Variants in EPB41L3 observed in about 807,000 individuals in gnomAD.
The protein encoded by EPB41L3 is band 4.1-like protein 3.
A neutral mutation model predicts 127.1 loss-of-function variants in EPB41L3; 57 were observed. That is an observed-to-expected ratio of 0.45 (90% CI 0.36 to 0.56). The LOEUF (loss-of-function observed/expected upper bound fraction) is 0.56. Ranked by LOEUF, EPB41L3 falls within the 20% of genes least tolerant of loss-of-function variation. The pLI is 0.00. For missense variants in EPB41L3, 1,273 were observed against 1,372.2 expected, an observed-to-expected ratio of 0.93 and a Z score of 1.14; for synonymous variants, 572 against 549.5, an observed-to-expected ratio of 1.04 and a Z score of -0.57.
At chr18:5,532,784 T>C (rs1021796246) in intron 1 of EPB41L3, among the ~76,000 whole-genome samples, 1 of 152,054 alleles carries the variant, frequency 6.6e-6, no homozygotes, top group South Asian at 2.1e-4. Context: ...ATAAGGCGCC[T>C]AGGGGATTGT....
intron 9 of EPB41L3, 104 bp downstream of exon 9, chr18:5,428,209 A>G: frequency 1.5e-6 from 2 of 1,348,888 alleles, no homozygotes; most frequent in South Asian, 1.3e-5. Context: ...GATGTCATTC[A>G]CTGTGTCCCA....
intron 22 of EPB41L3, 199 bp from the exon 23 acceptor site, chr18:5,393,677 G>A (rs2072771838): frequency 2.2e-6 from 1 of 447,498 alleles, no homozygotes; most frequent in Non-Finnish European, 3.9e-6. Flanking sequence ...GAAGCTCATG[G>A]AAGAAATCTG....
At chr18:5,455,092 A>T (rs1367834869) in intron 3 of EPB41L3, among the ~76,000 whole-genome samples, 1 of 152,222 alleles carries the variant, frequency 6.6e-6, no homozygotes, top group Non-Finnish European at 1.5e-5. Flanking sequence ...TTGTATTAAG[A>T]TAAAACACTG....
Position 5,461,892 on chromosome 18 carries a change from C to T in EPB41L3, c.381+16349G>A, listed in dbSNP as rs117510463. 8.6e-3 allele frequency among the ~76,000 whole-genome samples: 1,303 copies of T among 152,064 alleles called. 9 individuals are homozygous for T. The highest frequency in any genetic ancestry group is 0.024 in the South Asian group (116 of 4,818). On this transcript the variant is annotated intron_variant, in intron 3 of 22. Transcript: ENST00000341928. ...AAAAGCTTAAGGTGCATTGGCTGGT[C>T]GATAACAAGCCACAAAATGGAAGAG...
chr18:5,485,687 T>A (rs2089627218), intron 2 of EPB41L3, among the ~76,000 whole-genome samples: 1 of 152,058 alleles, frequency 6.6e-6, no homozygotes. Flanking sequence ...AGTGTTTAAA[T>A]TTGTCAATGG....
At chr18:5,623,674 G>A (rs2094890605) in intron 1 of EPB41L3, among the ~76,000 whole-genome samples, 1 of 150,710 alleles carries the variant, frequency 6.6e-6, no homozygotes, top group Non-Finnish European at 1.5e-5. Context: ...TTTTAAGACG[G>A]TCTTACTCTG....
At chr18:5,463,869 A>C (rs923692289) in intron 3 of EPB41L3, 4 of 152,238 alleles carry the variant, frequency 2.6e-5, no homozygotes, top group African/African-American at 9.7e-5. Flanking sequence ...GTAGGCTACT[A>C]TGTGTATCGG....
intron 3 of EPB41L3, among the ~76,000 whole-genome samples, chr18:5,570,613 T>A (rs1438638106): frequency 6.6e-6 from 1 of 152,126 alleles, no homozygotes; most frequent in Non-Finnish European, 1.5e-5. Context: ...TAATTTTATT[T>A]TTATTATACT....
intron 3 of EPB41L3, among the ~76,000 whole-genome samples, chr18:5,470,526 C>A (rs561318268): frequency 2.6e-5 from 4 of 152,230 alleles, no homozygotes; most frequent in African/African-American, 9.6e-5. Context: ...TAGTTCAGTG[C>A]TTATAATGCA....
In EPB41L3 at chr18:5,561,040, C is replaced by T. The variant is rs534996922; in HGVS notation, c.-306+51300G>A. Among the ~76,000 whole-genome samples the T allele has an allele frequency of 3.3e-4, 47 of 143,506 alleles. 5 individuals carry two copies. Among genetic ancestry groups the T allele is most frequent in the African/African-American group, 5.7e-4 (21 of 37,136 alleles). The allele number at this position is 143,506 out of a possible 152,430, so 94.1% of individuals were successfully genotyped here. On this transcript the variant is annotated intron_variant, in intron 3 of 21. Coordinates refer to the EPB41L3 transcript ENST00000545076. ...TCGCCCAGGCTGGAGTGCAGTGGCG[C>T]GATCGCGGCTCACTGCAAGCTCCGC...
chr18:5,527,005 T>C (rs1185291538), intron 1 of EPB41L3, among the ~76,000 whole-genome samples: 2 of 139,154 alleles, frequency 1.4e-5, no homozygotes, highest in African/African-American at 5.8e-5. Context: ...AGAATATTCA[T>C]TGGTTAAAAA....
chr18:5,473,468 A>C (rs2086549847), intron 3 of EPB41L3, among the ~76,000 whole-genome samples: 1 of 151,648 alleles, frequency 6.6e-6, no homozygotes, highest in Non-Finnish European at 1.5e-5. Flanking sequence ...ATGGACCGAA[A>C]TTTGAGATCA....
At chr18:5,522,524 T>C (rs968014628) in intron 1 of EPB41L3, among the ~76,000 whole-genome samples, 1 of 152,228 alleles carries the variant, frequency 6.6e-6, no homozygotes, top group African/African-American at 2.4e-5. Context: ...ATTTGTCATA[T>C]AAGGCATCCC....
intron 1 of EPB41L3, among the ~76,000 whole-genome samples, chr18:5,504,582 A>C (rs894591706): frequency 1.3e-5 from 2 of 152,158 alleles, no homozygotes; most frequent in Non-Finnish European, 2.9e-5. Flanking sequence ...CTTGAGAAAC[A>C]CTGGTTGGAA....
chr18:5,438,152 T>C lies in EPB41L3; in HGVS notation c.530-42A>G, dbSNP rs747614371. On this transcript the variant is annotated intron_variant, in intron 5 of 22. Transcript: ENST00000341928. ...AAATTAGAGTAAAACCTTGAGAAAT[T>C]CTTATGACTCTAATCGATGGCCAGA... The C allele has an allele frequency of 1.8e-5, 29 of 1,580,148 alleles. No homozygotes were observed. The African/African-American group carries it at 3.9e-4, about 21-fold the overall frequency.
chr18:5,453,315 C>T (rs2082551728), intron 3 of EPB41L3, among the ~76,000 whole-genome samples: 1 of 152,084 alleles, frequency 6.6e-6, no homozygotes, highest in African/African-American at 2.4e-5. Context: ...TGAAGCTGTA[C>T]AATCATGAAG....
At chr18:5,464,894 T>C (rs1020426312) in intron 3 of EPB41L3, among the ~76,000 whole-genome samples, 1 of 152,204 alleles carries the variant, frequency 6.6e-6, no homozygotes, top group Non-Finnish European at 1.5e-5. Flanking sequence ...CTTTCTTTAA[T>C]AGACTTTCCC....
At chr18:5,541,637 T>C (rs2093733200) in intron 1 of EPB41L3, among the ~76,000 whole-genome samples, 1 of 151,452 alleles carries the variant, frequency 6.6e-6, no homozygotes, top group African/African-American at 2.4e-5. Flanking sequence ...TCCGATCAAG[T>C]TAAAAAAAAT....
chr18:5,502,559 T>G (rs79386023), intron 1 of EPB41L3, among the ~76,000 whole-genome samples: 3,164 of 152,300 alleles, frequency 0.021, 105 homozygotes, highest in African/African-American at 0.071. Flanking sequence ...GAAGCCACAC[T>G]GATGCCTTAT....
Sources: gnomAD v4.1 joint callset for allele counts (sites outside exome capture counted in the v4.1 genomes callset) on GRCh38, gnomAD v4.1.1 for gene constraint, MANE v1.5 for transcripts, NCBI Gene and HGNC (gene_info 2026-07-23, HGNC 2026-07-21) for gene names.